The following OR9Q1 variants were observed in gnomAD, a reference collection of about 807,000 sequenced individuals.
The protein encoded by OR9Q1 is olfactory receptor family 9 subfamily Q member 1, also known as olfactory receptor 9Q1.
For synonymous variants in OR9Q1, 153 were observed against 148.6 expected, an observed-to-expected ratio of 1.03 and a Z score of -0.22; for missense variants, 374 against 378.8, an observed-to-expected ratio of 0.99 and a Z score of 0.11.
chr11:58,070,178 T>A (rs1853473617), intron 2 of OR9Q1, among the ~76,000 whole-genome samples: 1 of 110,042 alleles, frequency 9.1e-6, no homozygotes, highest in South Asian at 3.4e-4. Flanking sequence ...ATTTTTGTAT[T>A]TTTTTTTTTT....
At position 58,100,378 on chromosome 11, in the gene OR9Q1, A is replaced by G. The variant is rs143297368; in HGVS notation, c.-15+44431A>G. 5.8e-3 allele frequency among the ~76,000 whole-genome samples: 890 copies of G among 152,314 alleles called. 13 individuals are homozygous for G. Among genetic ancestry groups the G allele is most frequent in the Middle Eastern group, 0.027 (8 of 294 alleles). ...TTTCATGTTCAATGTAAAAACTTGC[A>G]ATGGTATAATTCCGTTTACTTTTTC... On this transcript the variant is annotated intron_variant, in intron 2 of 2. Coordinates refer to ENST00000335397, the MANE Select transcript of OR9Q1 (RefSeq NM_001005212.4).
chr11:58,153,450 T>A (rs1034854655), intron 2 of OR9Q1, among the ~76,000 whole-genome samples: 11 of 152,086 alleles, frequency 7.2e-5, no homozygotes, highest in Non-Finnish European at 1.5e-4. Context: ...GCCAAGCAAA[T>A]GAGTGATATG....
At chr11:58,134,720 C>CA (rs1484210088) in intron 2 of OR9Q1, among the ~76,000 whole-genome samples, 2 of 152,134 alleles carry the variant, frequency 1.3e-5, no homozygotes, top group Admixed American at 6.5e-5. Flanking sequence ...CTCCTGTCTT[C>CA]AGGCAGGGCA....
At position 58,181,530 on chromosome 11, in the gene OR9Q1, G is replaced by A. The variant is rs1854665915; in HGVS notation, c.*1153G>A. 6.6e-6 allele frequency: 1 copy of A among 150,780 alleles called. No homozygotes were observed. Among genetic ancestry groups the A allele is most frequent in the African/African-American group, 2.8e-5 (1 of 35,490 alleles). 9.3% of individuals were successfully genotyped at this position (150,780 alleles called of 1,614,324 possible). ...TCATTTAAACAAATTTTTATACCTGGAACTCAAACTTCTTTTCCTGTCTCC... is the reference window on the plus strand; with the variant it reads ...TCATTTAAACAAATTTTTATACCTGAAACTCAAACTTCTTTTCCTGTCTCC... On this transcript the variant is annotated 3_prime_UTR_variant, in exon 3 of 3. Transcript: ENST00000335397.
At chr11:58,141,401 C>G (rs930396115) in intron 2 of OR9Q1, among the ~76,000 whole-genome samples, 2 of 152,106 alleles carry the variant, frequency 1.3e-5, no homozygotes, top group African/African-American at 4.8e-5. Flanking sequence ...CCATCAATAC[C>G]TAATTTATTG....
At chr11:58,082,601 TGGG>T (rs1180375626) in intron 2 of OR9Q1, among the ~76,000 whole-genome samples, 1 of 33,510 alleles carries the variant, frequency 3.0e-5, no homozygotes, top group Non-Finnish European at 5.1e-5. Flanking sequence ...TGTTGTGGGG[TGGG>T]GGGAGGGGGG....
At chr11:58,030,558 C>T (rs557160597) in intron 1 of OR9Q1, among the ~76,000 whole-genome samples, 1 of 152,296 alleles carries the variant, frequency 6.6e-6, no homozygotes, top group East Asian at 1.9e-4. Context: ...CCCCAATGCA[C>T]AATCTCCTCT....
chr11:58,103,204 G>A (rs984946741), intron 2 of OR9Q1, among the ~76,000 whole-genome samples: 26 of 152,026 alleles, frequency 1.7e-4, no homozygotes, highest in African/African-American at 5.8e-4. Flanking sequence ...TTCACATGGC[G>A]GCAGCAAGGA....
chr11:58,119,616 T>G, intron 2 of OR9Q1: 12 of 584,884 alleles, frequency 2.1e-5, no homozygotes, highest in East Asian at 5.6e-5. Flanking sequence ...TGGGCATCTC[T>G]TGCATTTTAT....
intron 2 of OR9Q1, among the ~76,000 whole-genome samples, chr11:58,095,845 CAAGAT>C (rs1465560088): frequency 6.6e-6 from 1 of 152,104 alleles, no homozygotes; most frequent in African/African-American, 2.4e-5. Flanking sequence ...TCAGGAAAAT[CAAGAT>C]AAGATATGAT....
rs61109050 is a variant in OR9Q1 at position 58,034,074 on chromosome 11, C to CTT, written c.-93+9995_-93+9996dup. Among the ~76,000 whole-genome samples, 88 of 61,146 alleles carry CTT rather than the reference C, an allele frequency of 1.4e-3. 5 individuals are homozygous for CTT. The highest frequency in any genetic ancestry group is 0.012 in the East Asian group (15 of 1,304). 40.1% of individuals were successfully genotyped at this position (61,146 alleles called of 152,430 possible). A position where few individuals can be genotyped will look rare whatever the true frequency, so the allele number is the denominator to read the frequency against. Reference sequence around the variant, plus strand: ...CTGGCCAAATCCAGCTCAGCACTTGCTTTTTTTTTTTTTTTTTTTTTTTTT... The same window carrying CTT: ...CTGGCCAAATCCAGCTCAGCACTTGCTTTTTTTTTTTTTTTTTTTTTTTTTTT... On this transcript the variant is annotated intron_variant, in intron 1 of 2. Coordinates refer to ENST00000335397, the MANE Select transcript of OR9Q1 (RefSeq NM_001005212.4).
At chr11:58,167,147 G>T (rs1374505449) in intron 2 of OR9Q1, among the ~76,000 whole-genome samples, 1 of 152,120 alleles carries the variant, frequency 6.6e-6, no homozygotes, top group East Asian at 1.9e-4. Context: ...TGACACTGGA[G>T]GCCATTATCT....
At chr11:58,152,400 C>T (rs1854361857) in intron 2 of OR9Q1, among the ~76,000 whole-genome samples, 1 of 152,036 alleles carries the variant, frequency 6.6e-6, no homozygotes, top group Admixed American at 6.5e-5. Flanking sequence ...TGCTGGATAC[C>T]CTATGATCTG....
chr11:58,112,719 A>G lies in OR9Q1; in HGVS notation c.-15+56772A>G, dbSNP rs144279253. Among the ~76,000 whole-genome samples, 22 of 152,228 alleles carry G rather than the reference A, an allele frequency of 1.4e-4. 1 individual carries two copies. The East Asian group carries it at 4.3e-3, about 29-fold the overall frequency. On this transcript the variant is annotated intron_variant, in intron 2 of 2. Transcript: ENST00000335397. ...TCAATGGGAAAACCTACACAATAAG[A>G]ACATTCCTGGAAACCCCAAGCTTAT...
Position 58,159,549 on chromosome 11 carries a change from C to G in OR9Q1, c.-14-19882C>G, listed in dbSNP as rs74384242. On this transcript the variant is annotated intron_variant, in intron 2 of 2. Coordinates refer to ENST00000335397, the MANE Select transcript of OR9Q1 (RefSeq NM_001005212.4). ...TTCCTGCAGGCAGCCAACCATGAGT[C>G]AATTCATGAAGTCCAATTCAGGGAC... Among the ~76,000 whole-genome samples, 781 of 152,166 alleles carry G rather than the reference C, an allele frequency of 5.1e-3. 5 individuals are homozygous for G. The highest frequency in any genetic ancestry group is 0.018 in the African/African-American group (743 of 41,524).
chr11:58,066,799 C>T (rs528907046), intron 2 of OR9Q1, among the ~76,000 whole-genome samples: 61 of 152,258 alleles, frequency 4.0e-4, no homozygotes, highest in African/African-American at 1.5e-3. Flanking sequence ...TGGGCCCACA[C>T]CCCATCATCT....
chr11:58,093,811 G>T (rs1431104354), intron 2 of OR9Q1, among the ~76,000 whole-genome samples: 1 of 150,804 alleles, frequency 6.6e-6, no homozygotes, highest in Non-Finnish European at 1.5e-5. Flanking sequence ...ATTGGCAAGG[G>T]TGCAGAGAAA....
chr11:58,093,330 C>T (rs540029586), intron 2 of OR9Q1, among the ~76,000 whole-genome samples: 5 of 151,980 alleles, frequency 3.3e-5, no homozygotes, highest in Admixed American at 6.6e-5. Flanking sequence ...AACAAAAATA[C>T]CAAATAATTC....
intron 2 of OR9Q1, among the ~76,000 whole-genome samples, chr11:58,114,192 G>A (rs546111555): frequency 6.6e-6 from 1 of 152,236 alleles, no homozygotes; most frequent in African/African-American, 2.4e-5. Flanking sequence ...AGGTCCTCCA[G>A]GTGCCCAGCT....
Sources: gnomAD v4.1 joint callset for allele counts (sites outside exome capture counted in the v4.1 genomes callset) on GRCh38, gnomAD v4.1.1 for gene constraint, MANE v1.5 for transcripts, NCBI Gene and HGNC (gene_info 2026-07-23, HGNC 2026-07-21) for gene names.